Variants in FRAS1 observed in about 807,000 individuals in gnomAD.
FRAS1 encodes Fraser extracellular matrix complex subunit 1, also known as extracellular matrix organizing protein FRAS1.
A neutral mutation model predicts 435.2 loss-of-function variants in FRAS1; 290 were observed. The ratio of observed to expected loss-of-function variants is 0.67; its 90% CI spans 0.61 to 0.73. The LOEUF (loss-of-function observed/expected upper bound fraction) is 0.73. Among genes scored for constraint, FRAS1 ranks in the 30% least tolerant of loss-of-function variants. The pLI, the probability that FRAS1 is intolerant of heterozygous loss-of-function variation, is 0.00. For synonymous variants in FRAS1, 1,800 were observed against 1,851.0 expected, an observed-to-expected ratio of 0.97 and a Z score of 0.71; for missense variants, 4,860 against 5,001.5, an observed-to-expected ratio of 0.97 and a Z score of 0.85.
intron 68 of FRAS1, among the ~76,000 whole-genome samples, chr4:78,522,149 A>T (rs935504177): frequency 6.6e-6 from 1 of 152,196 alleles, no homozygotes; most frequent in Non-Finnish European, 1.5e-5. Context: ...GCAGTTTTAA[A>T]GAGTGGGGGT....
chr4:78,333,207 T>C (rs1019734208), intron 18 of FRAS1, 65 bp from the exon 19 acceptor site: 2 of 1,529,216 alleles, frequency 1.3e-6, no homozygotes, highest in Non-Finnish European at 1.8e-6. Flanking sequence ...ATGGGAGAGA[T>C]AGAGTTACTG....
chr4:78,317,066 G>A (rs1274460868), intron 16 of FRAS1, among the ~76,000 whole-genome samples: 2 of 152,178 alleles, frequency 1.3e-5, no homozygotes, highest in Non-Finnish European at 1.5e-5. Context: ...ATAAAATGTA[G>A]TTAATAATGC....
intron 2 of FRAS1, among the ~76,000 whole-genome samples, chr4:78,219,781 A>G (rs1236551631): frequency 6.6e-6 from 1 of 152,156 alleles, no homozygotes; most frequent in Non-Finnish European, 1.5e-5. Flanking sequence ...CACTCCATAG[A>G]TAATATATTT....
intron 2 of FRAS1, among the ~76,000 whole-genome samples, chr4:78,125,382 A>G (rs1432524575): frequency 7.9e-5 from 12 of 151,988 alleles, no homozygotes; most frequent in African/African-American, 2.7e-4. Flanking sequence ...GTTTTTTTAC[A>G]TTTGCTGAGG....
At chr4:78,247,404 T>C (rs919415448) in intron 4 of FRAS1, among the ~76,000 whole-genome samples, 1 of 152,134 alleles carries the variant, frequency 6.6e-6, no homozygotes, top group Admixed American at 6.6e-5. Context: ...GGGGAAAAAA[T>C]CTCTAGTGGA....
At chr4:78,496,198 A>G (rs1436341322) in intron 59 of FRAS1, among the ~76,000 whole-genome samples, 1 of 152,188 alleles carries the variant, frequency 6.6e-6, no homozygotes, top group Non-Finnish European at 1.5e-5. Context: ...GTTGAGAAAC[A>G]CTTGGTTTCT....
intron 50 of FRAS1, among the ~76,000 whole-genome samples, chr4:78,469,180 C>A (rs1719629120): frequency 6.6e-6 from 1 of 152,172 alleles, no homozygotes. Context: ...TACAACAGGT[C>A]TCTGGAGGGA....
chr4:78,278,281 G>T (rs1396866523), intron 9 of FRAS1, among the ~76,000 whole-genome samples: 1 of 152,348 alleles, frequency 6.6e-6, no homozygotes, highest in Non-Finnish European at 1.5e-5. Context: ...CACTGTTAAT[G>T]AAACTAAAGT....
intron 2 of FRAS1, among the ~76,000 whole-genome samples, chr4:78,213,833 A>G (rs959395613): frequency 6.6e-6 from 1 of 152,182 alleles, no homozygotes; most frequent in Non-Finnish European, 1.5e-5. Flanking sequence ...TTCAGTTTTC[A>G]TTGGTCATCA....
chr4:78,432,494 G>GT lies in FRAS1; in HGVS notation c.5108dup (p.Ser1704ValfsTer23). ...GACAATGCTGGAGGTGAGAGTAGAG[G>GT]TGTCCCTGTCAGAAGACCGAGGGCC... On this transcript the variant is annotated frameshift_variant, in exon 38 of 74. Transcript: ENST00000512123. LOFTEE classifies it high-confidence loss of function. 2 of 1,613,296 alleles carry GT rather than the reference G, an allele frequency of 1.2e-6. No individual in the cohort carries two copies. The highest frequency in any genetic ancestry group is 1.7e-6 in the Non-Finnish European group (2 of 1,179,614).
intron 52 of FRAS1, 124 bp downstream of exon 52, chr4:78,472,454 C>T (rs1435635063): frequency 1.4e-6 from 1 of 738,618 alleles, no homozygotes; most frequent in Non-Finnish European, 2.1e-6. Context: ...TTGCAGAGAT[C>T]TTCTAGTGCT....
At chr4:78,435,716 C>A (rs1428329081) in intron 38 of FRAS1, among the ~76,000 whole-genome samples, 4 of 147,440 alleles carry the variant, frequency 2.7e-5, no homozygotes, top group Admixed American at 1.4e-4. Flanking sequence ...CCAGTCTTGG[C>A]AACAGAGTGA....
intron 2 of FRAS1, among the ~76,000 whole-genome samples, chr4:78,103,845 A>G (rs1200138091): frequency 1.3e-5 from 2 of 152,208 alleles, no homozygotes; most frequent in African/African-American, 4.8e-5. Flanking sequence ...AAGCTACCCA[A>G]TGTAAAATAT....
chr4:78,355,895 G>A (rs1730834451), intron 20 of FRAS1, among the ~76,000 whole-genome samples: 1 of 152,168 alleles, frequency 6.6e-6, no homozygotes, highest in Non-Finnish European at 1.5e-5. Flanking sequence ...GTGCTTCTAT[G>A]GTGTGGGCCC....
chr4:78,256,862 C>A (rs1461657942), intron 6 of FRAS1, among the ~76,000 whole-genome samples: 1 of 149,114 alleles, frequency 6.7e-6, no homozygotes, highest in East Asian at 1.9e-4. Flanking sequence ...CATTTAGAAC[C>A]ATTTTTCTTG....
At chr4:78,263,315 T>A (rs192802271) in intron 6 of FRAS1, among the ~76,000 whole-genome samples, 26 of 152,346 alleles carry the variant, frequency 1.7e-4, no homozygotes, top group Admixed American at 6.5e-4. Flanking sequence ...TGTTGGTTTA[T>A]ATTTTTGAAG....
At chr4:78,431,109 C>T (rs930299324) in intron 37 of FRAS1, among the ~76,000 whole-genome samples, 5 of 152,222 alleles carry the variant, frequency 3.3e-5, no homozygotes, top group Non-Finnish European at 5.9e-5. Context: ...TCTCTACTTT[C>T]TCAAAACCTT....
intron 5 of FRAS1, among the ~76,000 whole-genome samples, chr4:78,253,867 G>A (rs1238231702): frequency 7.1e-6 from 1 of 140,216 alleles, no homozygotes; most frequent in African/African-American, 2.5e-5. Flanking sequence ...GACAGAAAAA[G>A]GAATAACTCA....
At chr4:78,171,437 C>A (rs1406203716) in intron 2 of FRAS1, among the ~76,000 whole-genome samples, 1 of 152,110 alleles carries the variant, frequency 6.6e-6, no homozygotes, top group African/African-American at 2.4e-5. Context: ...TAATGATTTT[C>A]TTTTACATAA....
Sources: gnomAD v4.1 joint callset for allele counts (sites outside exome capture counted in the v4.1 genomes callset) on GRCh38, gnomAD v4.1.1 for gene constraint, MANE v1.5 for transcripts, NCBI Gene and HGNC (gene_info 2026-07-23, HGNC 2026-07-21) for gene names.